The following FNTA variants were observed in gnomAD, a reference collection of about 807,000 sequenced individuals.
The protein encoded by FNTA is farnesyltransferase, CAAX box, subunit alpha.
A neutral mutation model predicts 55.2 loss-of-function variants in FNTA; 27 were observed. The ratio of observed to expected loss-of-function variants is 0.49; its 90% CI spans 0.36 to 0.67. The LOEUF (loss-of-function observed/expected upper bound fraction) is 0.67. Among genes scored for constraint, FNTA ranks in the 30% least tolerant of loss-of-function variants. The pLI, the probability that FNTA is intolerant of heterozygous loss-of-function variation, is 0.00. For synonymous variants in FNTA, 176 were observed against 170.7 expected (o/e 1.03, Z -0.24); for missense variants, 422 against 464.7 (o/e 0.91, Z 0.85).
At position 43,076,402 on chromosome 8, in the gene FNTA, C is replaced by G. The variant is rs566016614; in HGVS notation, c.634-814C>G. On this transcript the variant is annotated intron_variant, in intron 5 of 8. Coordinates refer to ENST00000302279, the MANE Select transcript of FNTA (RefSeq NM_002027.3). ...ATGTTGCCTCTGCTGGTCTCGAACTCCTGGCCTCAAGTGACCTTTCTGCCT... is the reference window on the plus strand; with the variant it reads ...ATGTTGCCTCTGCTGGTCTCGAACTGCTGGCCTCAAGTGACCTTTCTGCCT... 3.3e-5 allele frequency among the ~76,000 whole-genome samples: 5 copies of G among 152,222 alleles called. No homozygotes were observed. The South Asian group carries it at 1.0e-3, about 32-fold the overall frequency.
chr8:43,056,998 C>T (rs1009743458), intron 1 of FNTA: 5 of 152,254 alleles, frequency 3.3e-5, no homozygotes, highest in Admixed American at 2.6e-4. Context: ...AGTGTGAGGG[C>T]TTCCAGTGGC....
chr8:43,063,701 A>C (rs1810588358), intron 2 of FNTA, among the ~76,000 whole-genome samples: 1 of 152,200 alleles, frequency 6.6e-6, no homozygotes, highest in African/African-American at 2.4e-5. Flanking sequence ...ATCTAGTGTG[A>C]ACCTTTTTGT....
In FNTA at chr8:43,069,594, T is replaced by A. The variant is rs1313229712; in HGVS notation, c.441T>A (p.Asp147Glu). 6.2e-7 allele frequency: 1 copy of A among 1,613,694 alleles called. No individual in the cohort carries two copies. Among genetic ancestry groups the A allele is most frequent in the Non-Finnish European group, 8.5e-7 (1 of 1,179,654 alleles). ...TTCTTTTGAAGTCACTTCAGAAGGATCTACATGAGGAAATGAACTACATCA... is the reference window on the plus strand; with the variant it reads ...TTCTTTTGAAGTCACTTCAGAAGGAACTACATGAGGAAATGAACTACATCA... The part of the protein sequence containing the change: ...RRVLLKSLQK[D>E]LHEEMNYITA... The change falls in exon 4 of 9, where the codon GAT becomes GAA. Residue 147 changes from aspartate (D) to glutamate (E), a missense_variant. Physicochemically the swap from Asp to Glu is conservative, Grantham distance 45. Around this residue, in one of 2 missense-constraint regions of FNTA, gnomAD observed 262 missense variants for 343.1 expected, o/e 0.76. Transcript: ENST00000302279.
rs1436341453 is a variant in FNTA, at chr8:43,084,693, TTTG to T, written c.846-8_846-6del. 9 of 1,566,306 alleles carry T rather than the reference TTTG, an allele frequency of 5.7e-6. No individual in the cohort carries two copies. The highest frequency in any genetic ancestry group is 1.2e-5 in the South Asian group (1 of 84,358). ...CCTTCACAAAATCAAGTCTTTGTTTTTTGTTGTTGTTTACAGGATTTTGCAGGA... is the reference window on the plus strand; with the variant it reads ...CCTTCACAAAATCAAGTCTTTGTTTTTTGTTGTTTACAGGATTTTGCAGGA... On this transcript the variant is annotated splice_polypyrimidine_tract_variant and intron_variant, in intron 7 of 8. Transcript: ENST00000302279.
rs1187885523 is a variant in FNTA at position 43,059,192 on chromosome 8, A to G, written c.286+15A>G. 6.3e-7 allele frequency: 1 copy of G among 1,586,088 alleles called. No individual in the cohort carries two copies. The highest frequency in any genetic ancestry group is 8.6e-7 in the Non-Finnish European group (1 of 1,158,874). ...TAGTGACAAATGTAAGTTTGTTTAT[A>G]TTAGGAAAAGGTCTGTAAGTTAAAT... On this transcript the variant is annotated intron_variant, in intron 2 of 8. Coordinates refer to ENST00000302279, the MANE Select transcript of FNTA (RefSeq NM_002027.3).
intron 2 of FNTA, among the ~76,000 whole-genome samples, chr8:43,063,769 T>C (rs1810590266): frequency 6.6e-6 from 1 of 152,216 alleles, no homozygotes; most frequent in South Asian, 2.1e-4. Context: ...GATCAAAATG[T>C]CAGAAAAACA....
intron 6 of FNTA, chr8:43,080,419 C>T (rs1039303827): frequency 1.3e-5 from 2 of 152,034 alleles, no homozygotes; most frequent in African/African-American, 4.8e-5. Flanking sequence ...CATTTTTTAG[C>T]AATAAAGTAT....
chr8:43,071,375 G>A (rs1810786438), intron 4 of FNTA, among the ~76,000 whole-genome samples: 2 of 151,950 alleles, frequency 1.3e-5, no homozygotes, highest in South Asian at 4.2e-4. Flanking sequence ...TATTTTCCTA[G>A]CGCAGAAACT....
chr8:43,072,298 G>T lies in FNTA; in HGVS notation c.624G>T (p.Trp208Cys). ...ATCATGCCTGGCAGCATCGACAATG[G>T]GTTATTCAGGTATTGCCTTTCTTGT... ...KNYHAWQHRQ[W>C]VIQEFKLWDN... Residue 208 changes from tryptophan (W) to cysteine (C), a missense_variant, in exon 5 of 9, where the codon TGG becomes TGT. Trp to Cys is a radical substitution (Grantham distance 215). Around this residue, in one of 2 missense-constraint regions of FNTA, gnomAD observed 262 missense variants for 343.1 expected, o/e 0.76. Transcript: ENST00000302279. The T allele has an allele frequency of 1.9e-6, 3 of 1,570,742 alleles. No homozygotes were observed. The highest frequency in any genetic ancestry group is 2.6e-6 in the Non-Finnish European group (3 of 1,159,516).
At chr8:43,063,581 A>G (rs1018711207) in intron 2 of FNTA, among the ~76,000 whole-genome samples, 4 of 152,152 alleles carry the variant, frequency 2.6e-5, no homozygotes, top group African/African-American at 7.2e-5. Flanking sequence ...TGAAGGATGG[A>G]ATTAGGCTAT....
chr8:43,056,571 C>T, intron 1 of FNTA, 25 bp downstream of exon 1: 2 of 1,357,034 alleles, frequency 1.5e-6, no homozygotes, highest in Non-Finnish European at 1.9e-6. Context: ...GCGGCCGCGG[C>T]TCGGGACACT....
In FNTA at chr8:43,077,209, C is replaced by T. The variant is rs181324790; in HGVS notation, c.634-7C>T. ...AATTGGATGATTTTTCTAAATTTTT[C>T]CTTTAGGAATTTAAACTTTGGGATA... On this transcript the variant is annotated splice_region_variant and splice_polypyrimidine_tract_variant and intron_variant, in intron 5 of 8. Coordinates refer to ENST00000302279, the MANE Select transcript of FNTA (RefSeq NM_002027.3). The T allele has an allele frequency of 1.4e-3, 2,200 of 1,552,530 alleles. 5 individuals are homozygous for T. The highest frequency in any genetic ancestry group is 1.7e-3 in the Non-Finnish European group (2,006 of 1,147,008).
At chr8:43,060,482 C>T (rs544935168) in intron 2 of FNTA, among the ~76,000 whole-genome samples, 66 of 152,208 alleles carry the variant, frequency 4.3e-4, no homozygotes, top group African/African-American at 1.5e-3. Flanking sequence ...TGAGACTAGC[C>T]TGGCCAACGT....
At chr8:43,076,124 A>AC (rs1661574621) in intron 5 of FNTA, among the ~76,000 whole-genome samples, 1 of 151,358 alleles carries the variant, frequency 6.6e-6, no homozygotes, top group Non-Finnish European at 1.5e-5. Flanking sequence ...GCTCATTGCA[A>AC]CCTCCACCTC....
At position 43,061,933 on chromosome 8, in the gene FNTA, G is replaced by A. The variant is rs530437455; in HGVS notation, c.287-2168G>A. Reference sequence around the variant, plus strand: ...GGGGTTTCTCCATGTTGGTTAGGCTGGTCTCGAACTCCCGACCTCAGGTGA... The same window carrying A: ...GGGGTTTCTCCATGTTGGTTAGGCTAGTCTCGAACTCCCGACCTCAGGTGA... On this transcript the variant is annotated intron_variant, in intron 2 of 8. Transcript: ENST00000302279. 2.0e-3 allele frequency among the ~76,000 whole-genome samples: 302 copies of A among 152,196 alleles called. 1 individual carries two copies. Among genetic ancestry groups the A allele is most frequent in the South Asian group, 0.011 (52 of 4,810 alleles).
chr8:43,063,042 C>T (rs959886475), intron 2 of FNTA, among the ~76,000 whole-genome samples: 3 of 151,738 alleles, frequency 2.0e-5, no homozygotes, highest in African/African-American at 4.8e-5. Context: ...CTCAGCCTCC[C>T]GAGTAGCTGG....
intron 2 of FNTA, among the ~76,000 whole-genome samples, chr8:43,060,928 A>G (rs1810516769): frequency 6.6e-6 from 1 of 152,174 alleles, no homozygotes; most frequent in Admixed American, 6.5e-5. Flanking sequence ...AGTTTAATCA[A>G]AAAATGGACA....
chr8:43,061,016 A>G (rs1199907088), intron 2 of FNTA, among the ~76,000 whole-genome samples: 1 of 152,246 alleles, frequency 6.6e-6, no homozygotes, highest in Non-Finnish European at 1.5e-5. Context: ...ATCATTAAGA[A>G]TGACAGGTTA....
chr8:43,083,864 G>A (rs1473087721), intron 7 of FNTA, among the ~76,000 whole-genome samples: 2 of 152,192 alleles, frequency 1.3e-5, no homozygotes, highest in African/African-American at 4.8e-5. Flanking sequence ...CTTGAGGCTA[G>A]GAGGTCGAGA....
Sources: allele counts gnomAD v4.1 joint callset (sites outside exome capture counted in the v4.1 genomes callset), GRCh38; gene constraint gnomAD v4.1.1; regional missense constraint gnomAD v4.1.1; transcripts MANE v1.5; gene names NCBI Gene and HGNC (gene_info 2026-07-23, HGNC 2026-07-21).